Variants in NRXN3 observed in about 807,000 individuals in gnomAD.
NRXN3 encodes the protein neurexin 3, also known as neurexin III.
In NRXN3, 32 loss-of-function variants were observed where a neutral mutation model predicts 137.6. The ratio of observed to expected loss-of-function variants is 0.23; its 90% CI spans 0.18 to 0.31. The LOEUF (loss-of-function observed/expected upper bound fraction) is 0.31, where lower values mean the gene tolerates loss of function less well. Ranked by LOEUF, NRXN3 falls within the 10% of genes least tolerant of loss-of-function variation. NRXN3 has a pLI of 1.00. For synonymous variants in NRXN3, 798 were observed against 784.5 expected (o/e 1.02, Z -0.29); for missense variants, 1,574 against 2,062.5 (o/e 0.76, Z 4.59).
intron 1 of NRXN3, among the ~76,000 whole-genome samples, chr14:78,218,357 C>T (rs2063503182): frequency 6.6e-6 from 1 of 152,122 alleles, no homozygotes; most frequent in Admixed American, 6.5e-5. Context: ...CCCTATCGCT[C>T]TCTTTTTTTT....
rs562296523 is a variant in NRXN3, at chr14:79,631,384, C to G, written c.3445-32394C>G. Among the ~76,000 whole-genome samples the G allele has an allele frequency of 6.9e-4, 105 of 152,368 alleles. 2 individuals carry two copies. Among genetic ancestry groups the G allele is most frequent in the African/African-American group, 2.3e-3 (95 of 41,600 alleles). On this transcript the variant is annotated intron_variant, in intron 16 of 20. Coordinates refer to ENST00000335750, the MANE Select transcript of NRXN3 (RefSeq NM_001330195.2). ...GCGCTGGAAGAGCCCTTCAGTCCGCCGCGGCGCTGTGGGGGCCCCTCTCTG... is the reference window on the plus strand; with the variant it reads ...GCGCTGGAAGAGCCCTTCAGTCCGCGGCGGCGCTGTGGGGGCCCCTCTCTG...
intron 15 of NRXN3, among the ~76,000 whole-genome samples, chr14:79,129,363 T>C (rs1217785321): frequency 6.7e-6 from 1 of 150,358 alleles, no homozygotes; most frequent in Non-Finnish European, 1.5e-5. Context: ...GTCCCAGAGA[T>C]TCTGGTATGT....
At chr14:78,361,390 A>G (rs1364838642) in intron 4 of NRXN3, among the ~76,000 whole-genome samples, 3 of 152,232 alleles carry the variant, frequency 2.0e-5, no homozygotes, top group Non-Finnish European at 4.4e-5. Flanking sequence ...CAAGCCCTGT[A>G]TCTGTTGACC....
chr14:79,048,947 C>T (rs1456414109), intron 15 of NRXN3, among the ~76,000 whole-genome samples: 3 of 136,586 alleles, frequency 2.2e-5, no homozygotes, highest in Non-Finnish European at 4.6e-5. Context: ...GGCGTGAACC[C>T]GGGAGGCGGA....
At chr14:79,728,260 C>T (rs2098904264) in intron 19 of NRXN3, among the ~76,000 whole-genome samples, 1 of 152,158 alleles carries the variant, frequency 6.6e-6, no homozygotes, top group African/African-American at 2.4e-5. Flanking sequence ...ACTTGATAGC[C>T]TATAGAGCCC....
chr14:78,253,451 A>G (rs1042731662), intron 2 of NRXN3, among the ~76,000 whole-genome samples: 5 of 152,092 alleles, frequency 3.3e-5, no homozygotes, highest in Non-Finnish European at 7.3e-5. Context: ...ATGATGGAGG[A>G]TTGCTTGAGC....
At chr14:78,534,344 G>A (rs988790823) in intron 4 of NRXN3, among the ~76,000 whole-genome samples, 1 of 152,210 alleles carries the variant, frequency 6.6e-6, no homozygotes, top group Non-Finnish European at 1.5e-5. Context: ...TTGTAAGGAA[G>A]TGTCAATCAC....
At chr14:79,751,750 A>G (rs1408130328) in intron 19 of NRXN3, among the ~76,000 whole-genome samples, 422 of 149,628 alleles carry the variant, frequency 2.8e-3, no homozygotes, top group Non-Finnish European at 4.2e-3. Flanking sequence ...CGTCCCATCA[A>G]TACCTAATTT....
chr14:78,558,960 A>G (rs2096763146), intron 4 of NRXN3, among the ~76,000 whole-genome samples: 1 of 152,204 alleles, frequency 6.6e-6, no homozygotes, highest in South Asian at 2.1e-4. Flanking sequence ...TGTAAACTAC[A>G]CTGTATATGA....
At chr14:79,341,172 T>C (rs1209875072) in intron 15 of NRXN3, among the ~76,000 whole-genome samples, 1 of 152,150 alleles carries the variant, frequency 6.6e-6, no homozygotes, top group Non-Finnish European at 1.5e-5. Context: ...TTAGGACCAG[T>C]CATTATGATG....
chr14:79,688,233 T>A (rs79999394), intron 17 of NRXN3, among the ~76,000 whole-genome samples: 3,420 of 152,206 alleles, frequency 0.022, 169 homozygotes, highest in East Asian at 0.22. Flanking sequence ...TATTCTATAC[T>A]AAGTCCTATG....
At chr14:78,566,550 A>G (rs2096838015) in intron 4 of NRXN3, among the ~76,000 whole-genome samples, 1 of 152,152 alleles carries the variant, frequency 6.6e-6, no homozygotes, top group African/African-American at 2.4e-5. Flanking sequence ...CCAACCAGAA[A>G]GCGTTAGGTT....
intron 15 of NRXN3, among the ~76,000 whole-genome samples, chr14:79,040,801 A>G (rs996120266): frequency 6.6e-6 from 1 of 152,142 alleles, no homozygotes; most frequent in Non-Finnish European, 1.5e-5. Flanking sequence ...CCTAATGCGC[A>G]TGTGGGCTCT....
chr14:79,317,871 A>G (rs2089184229), intron 15 of NRXN3, among the ~76,000 whole-genome samples: 1 of 152,258 alleles, frequency 6.6e-6, no homozygotes. Flanking sequence ...AAATACCTAC[A>G]TTGGGAGTGG....
rs548832672 is a variant in NRXN3 at position 78,826,741 on chromosome 14, G to T, written c.2275+16397G>T. On this transcript the variant is annotated intron_variant, in intron 10 of 20. Coordinates refer to ENST00000335750, the MANE Select transcript of NRXN3 (RefSeq NM_001330195.2). ...ATGCCTATTATACAAAATTTAGCTT[G>T]TTCTATATTTTGGTATACTTTTAAT... 1.1e-4 allele frequency among the ~76,000 whole-genome samples: 16 copies of T among 152,234 alleles called. No homozygotes were observed. The South Asian group carries it at 2.7e-3, about 26-fold the overall frequency.
intron 15 of NRXN3, among the ~76,000 whole-genome samples, chr14:79,350,685 G>C (rs945458933): frequency 6.6e-6 from 1 of 151,996 alleles, no homozygotes; most frequent in African/African-American, 2.4e-5. Flanking sequence ...ATATGAAGCC[G>C]ATTAAGTATT....
intron 16 of NRXN3, among the ~76,000 whole-genome samples, chr14:79,630,484 C>G (rs557259892): frequency 6.6e-6 from 1 of 152,268 alleles, no homozygotes; most frequent in South Asian, 2.1e-4. Context: ...GGTCCTGGTT[C>G]AAGTCAAAAG....
chr14:78,750,937 A>G (rs1048380348), intron 8 of NRXN3, among the ~76,000 whole-genome samples: 2 of 152,098 alleles, frequency 1.3e-5, no homozygotes, highest in Admixed American at 1.3e-4. Context: ...TACCATGACA[A>G]TTTCACAATA....
chr14:79,360,223 G>T (rs558090955), intron 15 of NRXN3, among the ~76,000 whole-genome samples: 1 of 152,080 alleles, frequency 6.6e-6, no homozygotes, highest in African/African-American at 2.4e-5. Context: ...TTTCCCCTTT[G>T]CCCTAGTTGA....
Sources: allele counts gnomAD v4.1 joint callset (sites outside exome capture counted in the v4.1 genomes callset), GRCh38; gene constraint gnomAD v4.1.1; transcripts MANE v1.5; gene names NCBI Gene and HGNC (gene_info 2026-07-23, HGNC 2026-07-21).